DOCK4: variants seen among roughly 807,000 people sequenced by gnomAD.
DOCK4 encodes dedicator of cytokinesis protein 4.
DOCK4 carries 97 observed loss-of-function variants against 268.1 expected under a neutral mutation model. The ratio of observed to expected loss-of-function variants is 0.36; its 90% CI spans 0.31 to 0.43. The LOEUF (loss-of-function observed/expected upper bound fraction) is 0.43, where lower values mean the gene tolerates loss of function less well. Among genes scored for constraint, DOCK4 ranks in the 20% least tolerant of loss-of-function variants. The pLI is 1.00. For synonymous variants in DOCK4, 954 were observed against 887.2 expected (o/e 1.08, Z -1.34); for missense variants, 2,145 against 2,455.7 (o/e 0.87, Z 2.67).
At chr7:111,933,109 C>G (rs1244246597) in intron 12 of DOCK4, among the ~76,000 whole-genome samples, 4 of 128,090 alleles carry the variant, frequency 3.1e-5, no homozygotes, top group Non-Finnish European at 6.6e-5. Context: ...CATATATATA[C>G]GTATATACAC....
intron 1 of DOCK4, among the ~76,000 whole-genome samples, chr7:112,057,295 C>T (rs1055716750): frequency 6.6e-6 from 1 of 151,984 alleles, no homozygotes; most frequent in Non-Finnish European, 1.5e-5. Flanking sequence ...GGAATCCCAA[C>T]ACTTTGGGAC....
At chr7:112,041,076 T>G (rs1174401406) in intron 1 of DOCK4, among the ~76,000 whole-genome samples, 1 of 151,892 alleles carries the variant, frequency 6.6e-6, no homozygotes, top group Non-Finnish European at 1.5e-5. Context: ...CAGCTCTGAG[T>G]TGAGATGTCT....
At chr7:111,740,419 GA>G (rs774401286) in intron 47 of DOCK4, among the ~76,000 whole-genome samples, 8 of 144,082 alleles carry the variant, frequency 5.6e-5, no homozygotes, top group South Asian at 4.9e-4. Context: ...TCTTCTTAAA[GA>G]AAAAAAAAGC....
At chr7:111,761,731 C>A (rs1563467896) in intron 39 of DOCK4, among the ~76,000 whole-genome samples, 2 of 152,124 alleles carry the variant, frequency 1.3e-5, no homozygotes, top group South Asian at 4.2e-4. Flanking sequence ...GGAAATACAG[C>A]AGGAACTGGG....
chr7:112,131,199 G>A (rs40144), intron 1 of DOCK4, among the ~76,000 whole-genome samples: 53,270 of 152,040 alleles, frequency 0.35, 11,764 homozygotes, highest in South Asian at 0.54. Flanking sequence ...CACTAGATGA[G>A]ATCAGCTCTC....
intron 25 of DOCK4, among the ~76,000 whole-genome samples, chr7:111,838,593 T>C (rs1586139063): frequency 6.6e-6 from 1 of 152,188 alleles, no homozygotes; most frequent in African/African-American, 2.4e-5. Flanking sequence ...TGATTAATAA[T>C]AATAGCTATG....
At chr7:111,973,782 A>T (rs1797919324) in intron 8 of DOCK4, among the ~76,000 whole-genome samples, 1 of 152,192 alleles carries the variant, frequency 6.6e-6, no homozygotes, top group African/African-American at 2.4e-5. Context: ...AAACAAGATC[A>T]AACTTTTGTT....
intron 1 of DOCK4, among the ~76,000 whole-genome samples, chr7:112,076,203 T>C (rs1157023616): frequency 6.6e-6 from 1 of 152,182 alleles, no homozygotes; most frequent in African/African-American, 2.4e-5. Context: ...TTTGTTTTTT[T>C]ACTTTTATAT....
At chr7:111,814,638 G>A (rs1414788707) in intron 27 of DOCK4, among the ~76,000 whole-genome samples, 1 of 152,208 alleles carries the variant, frequency 6.6e-6, no homozygotes, top group Non-Finnish European at 1.5e-5. Flanking sequence ...ACCCAATGAA[G>A]AGCAAGGCTC....
At position 111,760,334 on chromosome 7, in the gene DOCK4, A is replaced by G; in HGVS notation, c.4021-12T>C. ...ACAAACTCCTTATTCTGGAGATGAA[A>G]GCAAAAAAGAAATTAGGGCTATATA... On this transcript the variant is annotated splice_polypyrimidine_tract_variant and intron_variant, in intron 39 of 52. Coordinates refer to ENST00000428084, the MANE Select transcript of DOCK4 (RefSeq NM_001363540.2). 1.2e-6 allele frequency: 2 copies of G among 1,610,432 alleles called. No homozygotes were observed. Among genetic ancestry groups the G allele is most frequent in the South Asian group, 1.1e-5 (1 of 91,032 alleles).
chr7:112,185,498 G>A (rs906699212), intron 1 of DOCK4, among the ~76,000 whole-genome samples: 2 of 151,996 alleles, frequency 1.3e-5, no homozygotes, highest in Non-Finnish European at 2.9e-5. Flanking sequence ...GTGGAATAGG[G>A]TAGTATTCTA....
intron 13 of DOCK4, among the ~76,000 whole-genome samples, chr7:111,909,241 G>C (rs1002124237): frequency 1.2e-4 from 18 of 152,300 alleles, no homozygotes; most frequent in Non-Finnish European, 2.6e-4. Flanking sequence ...TTGTGGTTTT[G>C]ATTTGCATTT....
chr7:111,869,563 C>T lies in DOCK4; in HGVS notation c.2109+11G>A. 6.2e-7 allele frequency: 1 copy of T among 1,612,704 alleles called. No homozygotes were observed. Among genetic ancestry groups the T allele is most frequent in the Non-Finnish European group, 8.5e-7 (1 of 1,178,934 alleles). ...TGTTAGACTCTGCTGTTATCAACAG[C>T]ATGTTATCACCTTCAGCACCTCCTG... is the stretch of plus-strand genomic sequence containing the variant. On this transcript the variant is annotated intron_variant, in intron 21 of 52. Coordinates refer to ENST00000428084, the MANE Select transcript of DOCK4 (RefSeq NM_001363540.2).
rs1794703301 is a variant in DOCK4, at chr7:111,727,216, A to G, written c.*1058T>C. ...ACAGCAATCCTCCTTCAAGAGAAAG[A>G]CGACAGGTCAGCTAAGACAAACTCC... On this transcript the variant is annotated 3_prime_UTR_variant, in exon 53 of 53. Transcript: ENST00000428084. 6.6e-6 allele frequency: 1 copy of G among 152,662 alleles called. No individual in the cohort carries two copies. The highest frequency in any genetic ancestry group is 1.5e-5 in the Non-Finnish European group (1 of 68,034). 9.5% of individuals were successfully genotyped at this position (152,662 alleles called of 1,614,324 possible). A position where few individuals can be genotyped will look rare whatever the true frequency, so the allele number is the denominator to read the frequency against.
chr7:112,108,702 T>A (rs745867696), intron 1 of DOCK4, among the ~76,000 whole-genome samples: 4 of 152,194 alleles, frequency 2.6e-5, no homozygotes, highest in Non-Finnish European at 4.4e-5. Context: ...TAAAAACTCA[T>A]TTCAAGATCT....
At chr7:111,958,833 T>A (rs1213250016) in intron 8 of DOCK4, among the ~76,000 whole-genome samples, 1 of 152,216 alleles carries the variant, frequency 6.6e-6, no homozygotes, top group East Asian at 1.9e-4. Context: ...GTGCTCTCAG[T>A]ATGAATAAAG....
chr7:112,180,315 G>T (rs929503562), intron 1 of DOCK4, among the ~76,000 whole-genome samples: 1 of 152,066 alleles, frequency 6.6e-6, no homozygotes, highest in Non-Finnish European at 1.5e-5. Flanking sequence ...GAGGACCAAA[G>T]ACTTCAGAAA....
At chr7:111,832,106 A>G (rs1802861318) in intron 26 of DOCK4, among the ~76,000 whole-genome samples, 1 of 152,208 alleles carries the variant, frequency 6.6e-6, no homozygotes, top group South Asian at 2.1e-4. Flanking sequence ...AAAATATTCC[A>G]GATTCCAATA....
Position 111,863,466 on chromosome 7 carries a change from A to C in DOCK4, c.2379T>G (p.Ser793Arg). The change falls in exon 23 of 53, where the codon AGT (serine) becomes AGG (arginine). Residue 793 changes from serine (S) to arginine (R), a missense_variant. Physicochemically the swap from Ser to Arg is moderately radical, Grantham distance 110. Transcript: ENST00000428084. ...CATCCACATGCAGGATGGTCGGCAG[A>C]CTGCCCAGGGTGTCCTGGACCAAGT... ...VANLVQDTLGSLPTILHVDDS... is the reference protein window; with the variant it reads ...VANLVQDTLGRLPTILHVDDS... 6.2e-7 allele frequency: 1 copy of C among 1,614,018 alleles called. No homozygotes were observed. Among genetic ancestry groups the C allele is most frequent in the South Asian group, 1.1e-5 (1 of 91,082 alleles).
Sources: gnomAD v4.1 joint callset for allele counts (sites outside exome capture counted in the v4.1 genomes callset) on GRCh38, gnomAD v4.1.1 for gene constraint, MANE v1.5 for transcripts, NCBI Gene and HGNC (gene_info 2026-07-23, HGNC 2026-07-21) for gene names.